The following POP1 variants were observed in gnomAD, a reference collection of about 807,000 sequenced individuals.
The protein encoded by POP1 is POP1 ribonuclease P/MRP subunit, also known as ribonucleases P/MRP protein subunit POP1.
In POP1, 75 loss-of-function variants were observed where a neutral mutation model predicts 102.2. The ratio of observed to expected loss-of-function variants is 0.73; its 90% confidence interval spans 0.61 to 0.89. The LOEUF is 0.89. Among genes scored for constraint, POP1 ranks in the 40% least tolerant of loss-of-function variants. The probability of loss-of-function intolerance (pLI) is 0.00; values close to 1 mark genes in which losing one functional copy is unlikely to be tolerated. For synonymous variants in POP1, 436 were observed against 464.1 expected (o/e 0.94, Z 0.78); for missense variants, 1,116 against 1,267.4 (o/e 0.88, Z 1.81).
At position 98,148,209 on chromosome 8, in the gene POP1, G is replaced by T. The variant is rs118140763; in HGVS notation, c.1711-606G>T. Among the ~76,000 whole-genome samples the T allele has an allele frequency of 9.9e-3, 1,515 of 152,292 alleles. 5 individuals carry two copies. The highest frequency in any genetic ancestry group is 0.017 in the Non-Finnish European group (1,144 of 68,026). The stretch of plus-strand genomic sequence containing the variant: ...CAGGATTGGACCTGGCTTGAAGAGC[G>T]TTCATGAGGTAGCAGTTAGACTATG... On this transcript the variant is annotated intron_variant, in intron 12 of 15. Coordinates refer to ENST00000401707, the MANE Select transcript of POP1 (RefSeq NM_001145860.2).
intron 7 of POP1, among the ~76,000 whole-genome samples, chr8:98,136,170 T>C (rs1440708048): frequency 1.3e-5 from 2 of 152,108 alleles, no homozygotes; most frequent in Non-Finnish European, 2.9e-5. Context: ...AACCTCTGCC[T>C]CCCAGGTTCA....
chr8:98,146,466 A>T (rs977300497), intron 11 of POP1, 102 bp from the exon 12 acceptor site: 1 of 842,284 alleles, frequency 1.2e-6, no homozygotes, highest in East Asian at 2.5e-5. Flanking sequence ...GTAAATGCCT[A>T]TGAAATATTG....
At chr8:98,149,756 A>AAAAT (rs1007481177) in intron 13 of POP1, among the ~76,000 whole-genome samples, 5 of 151,382 alleles carry the variant, frequency 3.3e-5, no homozygotes, top group African/African-American at 7.3e-5. Flanking sequence ...ACTCTGTCTC[A>AAAAT]AAATAAATAA....
chr8:98,119,507 A>C (rs1218779459), intron 1 of POP1, among the ~76,000 whole-genome samples: 1 of 152,236 alleles, frequency 6.6e-6, no homozygotes, highest in Non-Finnish European at 1.5e-5. Flanking sequence ...TAAAGGCAGC[A>C]CATATTTAGT....
intron 9 of POP1, among the ~76,000 whole-genome samples, chr8:98,138,406 T>C (rs73281817): frequency 0.015 from 2,350 of 152,280 alleles, 69 homozygotes; most frequent in African/African-American, 0.053. Flanking sequence ...ACCTGTTTTT[T>C]CCTTCCAACT....
intron 13 of POP1, among the ~76,000 whole-genome samples, chr8:98,150,059 T>C (rs1488802310): frequency 6.6e-6 from 1 of 152,224 alleles, no homozygotes; most frequent in Non-Finnish European, 1.5e-5. Context: ...TACAGATGCA[T>C]TGATGCACCC....
At chr8:98,150,201 C>G (rs1443380647) in intron 13 of POP1, among the ~76,000 whole-genome samples, 2 of 152,152 alleles carry the variant, frequency 1.3e-5, no homozygotes, top group Non-Finnish European at 2.9e-5. Flanking sequence ...AATAAAATAA[C>G]TATTTAGACT....
At chr8:98,147,783 A>G (rs1325910770) in intron 12 of POP1, among the ~76,000 whole-genome samples, 1 of 152,176 alleles carries the variant, frequency 6.6e-6, no homozygotes, top group Non-Finnish European at 1.5e-5. Flanking sequence ...GAGGTAAGAA[A>G]GGAGGAGGTG....
intron 11 of POP1, among the ~76,000 whole-genome samples, chr8:98,141,988 A>ATATATATAG (rs1816717649): frequency 6.6e-6 from 1 of 152,150 alleles, no homozygotes; most frequent in African/African-American, 2.4e-5. Context: ...TAGGTAAGTT[A>ATATATATAG]GTTAATTATG....
chr8:98,158,340 G>A lies in POP1; in HGVS notation c.*69G>A. ...TTGTCTGCCAAGTTCTACATGTGGA[G>A]AATCTGCTTCTGCTTTAAAATATCA... On this transcript the variant is annotated 3_prime_UTR_variant, in exon 16 of 16. Transcript: ENST00000401707. The A allele has an allele frequency of 6.5e-7, 1 of 1,540,952 alleles. No individual in the cohort carries two copies. Among genetic ancestry groups the A allele is most frequent in the Non-Finnish European group, 8.9e-7 (1 of 1,129,242 alleles).
chr8:98,144,771 C>T (rs951332711), intron 11 of POP1, among the ~76,000 whole-genome samples: 4 of 152,140 alleles, frequency 2.6e-5, no homozygotes, highest in African/African-American at 9.7e-5. Context: ...CTTGACTACC[C>T]CTAGACAGGC....
In POP1 at chr8:98,120,476, C is replaced by G. The variant is rs1392572687; in HGVS notation, c.-2-2860C>G. ...CATGTACAGTATGTATATGTTTGTTCATTTTTTTATTTTGAGACAGAGTCT... is the reference window on the plus strand; with the variant it reads ...CATGTACAGTATGTATATGTTTGTTGATTTTTTTATTTTGAGACAGAGTCT... On this transcript the variant is annotated intron_variant, in intron 1 of 15. Coordinates refer to ENST00000401707, the MANE Select transcript of POP1 (RefSeq NM_001145860.2). Among the ~76,000 whole-genome samples the G allele has an allele frequency of 3.9e-5, 6 of 152,074 alleles. No homozygotes were observed. The South Asian group carries it at 1.0e-3, about 26-fold the overall frequency.
At chr8:98,133,288 A>G (rs1816436938) in intron 5 of POP1, among the ~76,000 whole-genome samples, 1 of 152,178 alleles carries the variant, frequency 6.6e-6, no homozygotes, top group Non-Finnish European at 1.5e-5. Flanking sequence ...GAAACTTTTA[A>G]CATTGATTTC....
intron 14 of POP1, among the ~76,000 whole-genome samples, chr8:98,154,914 G>GT (rs1271180284): frequency 2.5e-4 from 38 of 151,898 alleles, no homozygotes; most frequent in African/African-American, 7.5e-4. Context: ...TAAGCAAAAA[G>GT]TACTGTACCT....
chr8:98,155,032 T>A (rs139579112), intron 14 of POP1, among the ~76,000 whole-genome samples: 1 of 152,264 alleles, frequency 6.6e-6, no homozygotes, highest in Non-Finnish European at 1.5e-5. Context: ...CTGATAATGA[T>A]ATTTATTACC....
At chr8:98,126,865 A>G (rs1816220551) in intron 2 of POP1, among the ~76,000 whole-genome samples, 1 of 152,152 alleles carries the variant, frequency 6.6e-6, no homozygotes, top group Non-Finnish European at 1.5e-5. Context: ...ATCTCATTTT[A>G]TATATATACG....
At chr8:98,142,231 C>T (rs1192441978) in intron 11 of POP1, among the ~76,000 whole-genome samples, 1 of 151,988 alleles carries the variant, frequency 6.6e-6, no homozygotes, top group African/African-American at 2.4e-5. Context: ...TAATATGAAT[C>T]AGCTCAAGGA....
In POP1 at chr8:98,150,639, G is replaced by A; in HGVS notation, c.2057G>A (p.Arg686Lys). The change falls in exon 14 of 16, where the codon AGA (arginine) becomes AAA (lysine). Residue 686 changes from arginine (R) to lysine (K), a missense_variant and splice_region_variant. By Grantham distance (26) the Arg-to-Lys change is conservative. Transcript: ENST00000401707. ...AAGAATCTTCTTGAAAAGTACAAAA[G>A]GTAAGAAACTGGCTTCTCTAATTTG... ...QAKNLLEKYKRRPPAKRPNYV... is the reference protein window; with the variant it reads ...QAKNLLEKYKKRPPAKRPNYV... 1 of 1,613,950 alleles carries A rather than the reference G, an allele frequency of 6.2e-7. No individual in the cohort carries two copies. The highest frequency in any genetic ancestry group is 8.5e-7 in the Non-Finnish European group (1 of 1,179,970).
At chr8:98,152,657 A>G (rs767458674) in intron 14 of POP1, among the ~76,000 whole-genome samples, 8 of 152,246 alleles carry the variant, frequency 5.3e-5, no homozygotes, top group Non-Finnish European at 7.3e-5. Flanking sequence ...TGGGTCATAC[A>G]AAAACAGACA....
Sources: gnomAD v4.1 joint callset for allele counts (sites outside exome capture counted in the v4.1 genomes callset) on GRCh38, gnomAD v4.1.1 for gene constraint, MANE v1.5 for transcripts, NCBI Gene and HGNC (gene_info 2026-07-23, HGNC 2026-07-21) for gene names.